Variants in CHD2 observed in about 807,000 individuals in gnomAD.
The protein encoded by CHD2 is ATP-dependent chromatin remodeler CHD2.
A neutral mutation model predicts 243.9 loss-of-function variants in CHD2; 28 were observed. The ratio of observed to expected loss-of-function variants is 0.11; its 90% CI spans 0.09 to 0.16. The LOEUF is 0.16. Among genes scored for constraint, CHD2 ranks in the 10% least tolerant of loss-of-function variants. The pLI is 1.00. For missense variants in CHD2, 1,386 were observed against 2,209.8 expected (o/e 0.63, Z 7.47); for synonymous variants, 775 against 779.0 (o/e 0.99, Z 0.09).
At chr15:92,933,657 G>C (rs570376303) in intron 5 of CHD2, among the ~76,000 whole-genome samples, 7 of 152,274 alleles carry the variant, frequency 4.6e-5, no homozygotes, top group Non-Finnish European at 8.8e-5. Context: ...TGGGAGTGCA[G>C]TGCAGTAGCA....
chr15:92,989,721 A>G (rs572087102), intron 26 of CHD2, among the ~76,000 whole-genome samples: 5 of 152,280 alleles, frequency 3.3e-5, no homozygotes, highest in Admixed American at 6.5e-5. Flanking sequence ...TCCTGCTTGC[A>G]CAGTTGCTCA....
intron 5 of CHD2, among the ~76,000 whole-genome samples, chr15:92,929,400 A>G (rs1352849360): frequency 6.6e-6 from 1 of 152,190 alleles, no homozygotes; most frequent in African/African-American, 2.4e-5. Flanking sequence ...AATATGTATA[A>G]ATAACAAGTA....
chr15:92,977,979 C>T (rs1160787080), intron 20 of CHD2, among the ~76,000 whole-genome samples: 1 of 152,122 alleles, frequency 6.6e-6, no homozygotes, highest in East Asian at 1.9e-4. Context: ...CGGGAGGTAG[C>T]ACTAATTCTC....
intron 31 of CHD2, 147 bp from the exon 32 acceptor site, chr15:93,000,365 A>G (rs1355611868): frequency 2.5e-6 from 2 of 795,736 alleles, no homozygotes; most frequent in Non-Finnish European, 3.8e-6. Flanking sequence ...CTTGTGAGGT[A>G]AAATGAGTTG....
rs1274893972 is a variant in CHD2, at chr15:92,946,905, C to A, written c.1377+689C>A. 8.0e-5 allele frequency: 12 copies of A among 150,234 alleles called. No homozygotes were observed. The Admixed American group carries it at 8.0e-4, about 10-fold the overall frequency. The allele number at this position is 150,234 out of a possible 1,614,324, so 9.3% of individuals were successfully genotyped here. On this transcript the variant is annotated intron_variant, in intron 12 of 38. Coordinates refer to ENST00000394196, the MANE Select transcript of CHD2 (RefSeq NM_001271.4). Reference sequence around the variant, plus strand: ...TTGAGCACAGGAGTTTGAGGCCAACCTGGGGAAGATTGTGATACCCGTTCT... The same window carrying A: ...TTGAGCACAGGAGTTTGAGGCCAACATGGGGAAGATTGTGATACCCGTTCT...
At chr15:92,930,833 C>T (rs1189909011) in intron 5 of CHD2, among the ~76,000 whole-genome samples, 1 of 152,148 alleles carries the variant, frequency 6.6e-6, no homozygotes, top group Non-Finnish European at 1.5e-5. Context: ...GATCTGTCTT[C>T]TTTTTCATAT....
intron 2 of CHD2, among the ~76,000 whole-genome samples, chr15:92,908,281 A>G (rs986400008): frequency 4.6e-5 from 7 of 152,152 alleles, no homozygotes; most frequent in Non-Finnish European, 2.9e-5. Context: ...TTTACAACCA[A>G]TGTCTAATTG....
rs3736619 is a variant in CHD2 at position 92,991,222 on chromosome 15, C to T, written c.3414-254C>T. 143,100 of 371,360 alleles carry T rather than the reference C, an allele frequency of 0.39. 30,765 individuals carry two copies. The highest frequency in any genetic ancestry group is 0.79 in the East Asian group (15,966 of 20,314). The allele number at this position is 371,360 out of a possible 1,614,324, so 23.0% of individuals were successfully genotyped here. ...AAGTCACAGTTCTCTAGCATGTTAT[C>T]TAAGCAGGTTTATGTACAGTCACTG... On this transcript the variant is annotated intron_variant, in intron 26 of 38. Transcript: ENST00000394196.
intron 5 of CHD2, 88 bp from the exon 6 acceptor site, chr15:92,937,430 A>T: frequency 1.1e-6 from 1 of 882,856 alleles, no homozygotes; most frequent in Non-Finnish European, 1.8e-6. Flanking sequence ...TGCCCTTTGG[A>T]TAGTAAAATT....
chr15:92,985,757 C>T (rs1016950736), intron 26 of CHD2, 84 bp downstream of exon 26: 2 of 1,411,634 alleles, frequency 1.4e-6, no homozygotes, highest in Admixed American at 2.0e-5. Context: ...GACATCGTGA[C>T]AGGGTAGGCA....
intron 33 of CHD2, among the ~76,000 whole-genome samples, chr15:93,003,341 G>GTA (rs1596451229): frequency 6.6e-6 from 1 of 151,524 alleles, no homozygotes; most frequent in East Asian, 1.9e-4. Flanking sequence ...CTGTTTGGGT[G>GTA]TAACATGTTA....
intron 2 of CHD2, chr15:92,904,584 T>TA: frequency 9.6e-7 from 1 of 1,041,758 alleles, no homozygotes; most frequent in Non-Finnish European, 1.2e-6. Flanking sequence ...CCCTTGCCTG[T>TA]AGCGGTCCGC....
chr15:93,002,062 A>G, intron 32 of CHD2, 115 bp from the exon 33 acceptor site: 3 of 1,370,680 alleles, frequency 2.2e-6, no homozygotes, highest in Middle Eastern at 2.7e-4. Flanking sequence ...CTTGAAAACA[A>G]GCTTCTAAGT....
At chr15:92,963,754 ATCT>A (rs1364398858) in intron 16 of CHD2, among the ~76,000 whole-genome samples, 1 of 152,224 alleles carries the variant, frequency 6.6e-6, no homozygotes. Flanking sequence ...TCAATAGCAA[ATCT>A]TCTGTGACCA....
Position 93,000,603 on chromosome 15 carries a change from G to A in CHD2, c.4100G>A (p.Arg1367Lys). The A allele has an allele frequency of 1.2e-6, 2 of 1,613,636 alleles. No individual in the cohort carries two copies. The highest frequency in any genetic ancestry group is 1.7e-6 in the Non-Finnish European group (2 of 1,179,662). Residue 1367 changes from arginine (R) to lysine (K), a missense_variant, in exon 32 of 39, where the codon AGG becomes AAG. Transcript: ENST00000394196. ...EEHGIELSSP[R>K]HSDNPSEEGE... ...CATGGAATTGAGCTTTCATCTCCTAGGCATTCAGATAATCCATCAGAAGAG... is the reference window on the plus strand; with the variant it reads ...CATGGAATTGAGCTTTCATCTCCTAAGCATTCAGATAATCCATCAGAAGAG...
intron 22 of CHD2, among the ~76,000 whole-genome samples, chr15:92,980,083 C>A (rs568923206): frequency 6.6e-6 from 1 of 151,338 alleles, no homozygotes; most frequent in Admixed American, 6.6e-5. Flanking sequence ...CTCGCTCGGT[C>A]GCCCAGGTTG....
intron 12 of CHD2, chr15:92,946,534 T>G (rs2053471078): frequency 1.2e-5 from 2 of 161,726 alleles, no homozygotes; most frequent in Admixed American, 1.3e-4. Context: ...TCGCCCAGGC[T>G]GGAGTGCACT....
chr15:92,980,800 A>G lies in CHD2; in HGVS notation c.2877-15A>G, dbSNP rs374737708. The G allele has an allele frequency of 2.5e-5, 40 of 1,595,862 alleles. No individual in the cohort carries two copies. In the African/African-American group the frequency reaches 5.1e-4, roughly 20 times the overall value. The stretch of plus-strand genomic sequence containing the variant: ...GTTATTTGATGTTTCTAACAACTAC[A>G]TTTTACTTCCACAGCTCAAATCCTT... On this transcript the variant is annotated splice_polypyrimidine_tract_variant and intron_variant, in intron 22 of 38. Coordinates refer to ENST00000394196, the MANE Select transcript of CHD2 (RefSeq NM_001271.4).
chr15:92,969,346 G>T (rs1032968293), intron 17 of CHD2, among the ~76,000 whole-genome samples: 2 of 152,174 alleles, frequency 1.3e-5, no homozygotes, highest in Admixed American at 6.5e-5. Flanking sequence ...GGCCACCAGC[G>T]TTCCCCGCAA....
Sources: allele counts gnomAD v4.1 joint callset (sites outside exome capture counted in the v4.1 genomes callset), GRCh38; gene constraint gnomAD v4.1.1; transcripts MANE v1.5; gene names NCBI Gene and HGNC (gene_info 2026-07-23, HGNC 2026-07-21).